Variants in URI1 observed in about 807,000 individuals in gnomAD.
The protein encoded by URI1 is URI1 prefoldin like chaperone.
In URI1, 39 loss-of-function variants were observed where a neutral mutation model predicts 60.2. That is an observed-to-expected ratio of 0.65 (90% CI 0.50 to 0.85). The LOEUF is 0.85. Ranked by LOEUF, URI1 falls within the 40% of genes least tolerant of loss-of-function variation. The pLI is 0.00. For synonymous variants in URI1, 251 were observed against 236.8 expected (o/e 1.06, Z -0.55); for missense variants, 691 against 665.9 (o/e 1.04, Z -0.42).
At chr19:30,013,770 TAGAAGAAGG>T (rs985408257) in intron 10 of URI1, among the ~76,000 whole-genome samples, 1 of 152,140 alleles carries the variant, frequency 6.6e-6, no homozygotes, top group African/African-American at 2.4e-5. Context: ...GCATTTTAAA[TAGAAGAAGG>T]AGAAGAAGGC....
At chr19:29,991,581 A>G (rs530430228) in intron 4 of URI1, among the ~76,000 whole-genome samples, 4 of 152,084 alleles carry the variant, frequency 2.6e-5, no homozygotes, top group East Asian at 1.9e-4. Context: ...TCCAAGGTGT[A>G]TACACTTCAT....
chr19:29,941,559 T>C (rs1018777421), upstream of URI1, among the ~76,000 whole-genome samples: 2 of 150,816 alleles, frequency 1.3e-5, no homozygotes, highest in African/African-American at 4.9e-5. Context: ...AGTTTGAGGC[T>C]GCAGTGAGAA....
intron 4 of URI1, among the ~76,000 whole-genome samples, chr19:29,993,882 C>T (rs1262332729): frequency 6.6e-6 from 1 of 152,156 alleles, no homozygotes; most frequent in Non-Finnish European, 1.5e-5. Flanking sequence ...TATACACCTC[C>T]ACTCAAATTG....
At chr19:29,941,934 G>T (rs915503869), upstream of URI1, among the ~76,000 whole-genome samples, 1 of 151,736 alleles carries the variant, frequency 6.6e-6, no homozygotes, top group African/African-American at 2.4e-5. Flanking sequence ...GCGACACGCG[G>T]CTCTTGTTGC....
At chr19:29,964,018 T>G (rs1212301070) in intron 1 of URI1, among the ~76,000 whole-genome samples, 2 of 152,190 alleles carry the variant, frequency 1.3e-5, no homozygotes, top group African/African-American at 4.8e-5. Context: ...GCTTAAGACC[T>G]CTCTTGTGCT....
At chr19:29,935,740 C>T (rs2054964857) in intron 1 of URI1, among the ~76,000 whole-genome samples, 1 of 142,868 alleles carries the variant, frequency 7.0e-6, no homozygotes, top group African/African-American at 2.7e-5. Context: ...TGTGTTATTC[C>T]ACTGCCTCTG....
chr19:29,971,867 T>C (rs1276214848), intron 2 of URI1, among the ~76,000 whole-genome samples: 1 of 152,038 alleles, frequency 6.6e-6, no homozygotes, highest in Non-Finnish European at 1.5e-5. Context: ...CTTACAGATA[T>C]CAAATTACAA....
At chr19:29,933,249 C>T (rs539482530) in intron 1 of URI1, among the ~76,000 whole-genome samples, 7 of 152,152 alleles carry the variant, frequency 4.6e-5, no homozygotes, top group East Asian at 3.9e-4. Context: ...TCTGTTCCTG[C>T]GCTTTTTTGT....
At chr19:29,979,279 AAG>A (rs1348438462) in intron 2 of URI1, among the ~76,000 whole-genome samples, 2 of 152,152 alleles carry the variant, frequency 1.3e-5, no homozygotes, top group Admixed American at 6.5e-5. Context: ...GGAAAATAAA[AAG>A]AACAAAAATT....
intron 2 of URI1, among the ~76,000 whole-genome samples, chr19:29,983,529 G>C (rs1445949691): frequency 6.6e-6 from 1 of 152,090 alleles, no homozygotes; most frequent in African/African-American, 2.4e-5. Flanking sequence ...AGTTTATCCT[G>C]ATTTCAATTT....
chr19:29,979,858 T>A (rs976251512), intron 2 of URI1, among the ~76,000 whole-genome samples: 3 of 152,194 alleles, frequency 2.0e-5, no homozygotes, highest in African/African-American at 7.2e-5. Flanking sequence ...CAATTGAAAT[T>A]ACTGAATATT....
In URI1 at chr19:29,982,602, G is replaced by C. The variant is rs277078; in HGVS notation, c.153-2621G>C. Among the ~76,000 whole-genome samples, 415 of 152,262 alleles carry C rather than the reference G, an allele frequency of 2.7e-3. 3 individuals carry two copies. Among genetic ancestry groups the C allele is most frequent in the African/African-American group, 9.5e-3 (393 of 41,560 alleles). The stretch of plus-strand genomic sequence containing the variant: ...ATGTTATTAATAGTGAGTGTTGACT[G>C]TCTAGGCACTGTACCAGTCAGTCCT... On this transcript the variant is annotated intron_variant, in intron 2 of 10. Coordinates refer to ENST00000392271, the MANE Select transcript of URI1 (RefSeq NM_003796.3).
intron 1 of URI1, among the ~76,000 whole-genome samples, chr19:29,930,652 C>G (rs1467358153): frequency 6.6e-6 from 1 of 151,910 alleles, no homozygotes; most frequent in Non-Finnish European, 1.5e-5. Context: ...GCTCTTTATT[C>G]TAGCCTATTG....
intron 1 of URI1, among the ~76,000 whole-genome samples, chr19:29,955,039 C>T (rs1470701377): frequency 1.3e-5 from 2 of 150,696 alleles, no homozygotes; most frequent in African/African-American, 4.9e-5. Context: ...GAGTCTCGCT[C>T]TGTTGCTCAG....
chr19:29,960,162 T>C (rs1311957731), intron 1 of URI1, among the ~76,000 whole-genome samples: 1 of 152,198 alleles, frequency 6.6e-6, no homozygotes, highest in Non-Finnish European at 1.5e-5. Context: ...GTACACATTC[T>C]GCATAATTGA....
chr19:29,954,757 A>G lies in URI1; in HGVS notation c.117+12093A>G, dbSNP rs185272315. Among the ~76,000 whole-genome samples, 422 of 152,132 alleles carry G rather than the reference A, an allele frequency of 2.8e-3. 1 individual carries two copies. The highest frequency in any genetic ancestry group is 9.6e-3 in the African/African-American group (399 of 41,512). On this transcript the variant is annotated intron_variant, in intron 1 of 10. Coordinates refer to ENST00000392271, the MANE Select transcript of URI1 (RefSeq NM_003796.3). Reference sequence around the variant, plus strand: ...GGTTTCAAACTCCTGACCTCAGGTGATCTGCCCGCCTCAGCCTCCCAAAGT... The same window carrying G: ...GGTTTCAAACTCCTGACCTCAGGTGGTCTGCCCGCCTCAGCCTCCCAAAGT...
At chr19:29,960,840 CAA>C (rs1337242119) in intron 1 of URI1, among the ~76,000 whole-genome samples, 1 of 151,844 alleles carries the variant, frequency 6.6e-6, no homozygotes, top group Admixed American at 6.6e-5. Context: ...GTAAATATAA[CAA>C]AATTTACCAT....
chr19:29,997,518 T>A (rs917088348), intron 4 of URI1, among the ~76,000 whole-genome samples: 2 of 152,190 alleles, frequency 1.3e-5, no homozygotes, highest in African/African-American at 4.8e-5. Flanking sequence ...TTTTTCAGCA[T>A]TTTATAAAAA....
chr19:30,011,791 A>G (rs1226172214), intron 9 of URI1, among the ~76,000 whole-genome samples: 1 of 150,350 alleles, frequency 6.7e-6, no homozygotes, highest in Non-Finnish European at 1.5e-5. Flanking sequence ...CACCTAGGAC[A>G]TGCTTAAAAA....
Sources: gnomAD v4.1 joint callset for allele counts (sites outside exome capture counted in the v4.1 genomes callset) on GRCh38, gnomAD v4.1.1 for gene constraint, MANE v1.5 for transcripts, NCBI Gene and HGNC (gene_info 2026-07-23, HGNC 2026-07-21) for gene names.